MED23: variants seen among roughly 807,000 people sequenced by gnomAD.
The protein encoded by MED23 is mediator complex subunit 23.
Under a neutral mutation model 163.9 loss-of-function variants are expected in MED23, and 105 were observed. That is an observed-to-expected ratio of 0.64 (90% confidence interval 0.55 to 0.75). The LOEUF (loss-of-function observed/expected upper bound fraction) is 0.75. Ranked by LOEUF, MED23 falls within the 30% of genes least tolerant of loss-of-function variation. The probability of loss-of-function intolerance (pLI) is 0.00; values close to 1 mark genes in which losing one functional copy is unlikely to be tolerated. For missense variants in MED23, 1,054 were observed against 1,649.0 expected (o/e 0.64, Z 6.25); for synonymous variants, 561 against 565.6 (o/e 0.99, Z 0.12).
rs187816331 is a variant in MED23, at chr6:131,618,404, T to C, written c.780+3A>G. On this transcript the variant is annotated splice_donor_region_variant and intron_variant, in intron 9 of 28. Coordinates refer to ENST00000368068, the MANE Select transcript of MED23 (RefSeq NM_004830.4). Reference sequence around the variant, plus strand: ...AAAAGTGCCATTATATTTAGCAACATACCTTATCATATGGCAAAAGGCCTT... The same window carrying C: ...AAAAGTGCCATTATATTTAGCAACACACCTTATCATATGGCAAAAGGCCTT... 1.4e-5 allele frequency: 22 copies of C among 1,601,672 alleles called. No homozygotes were observed. The East Asian group carries it at 2.7e-4, about 20-fold the overall frequency.
intron 27 of MED23, among the ~76,000 whole-genome samples, chr6:131,589,891 G>A (rs1774467415): frequency 6.6e-6 from 1 of 152,086 alleles, no homozygotes; most frequent in Non-Finnish European, 1.5e-5. Context: ...ACCATCTCTC[G>A]ATGTCTGGGA....
In MED23 at chr6:131,589,518, C is replaced by T. The variant is rs1227193933; in HGVS notation, c.3886G>A (p.Asp1296Asn). The stretch of plus-strand genomic sequence containing the variant: ...ATATACTTCATGTGATAGAGGAAGT[C>T]ACAGATGGGATCCATGTAATTTAAA... ...THLNYMDPICDFLYHMKYMFT... is the reference protein window; with the variant it reads ...THLNYMDPICNFLYHMKYMFT... The change falls in exon 28 of 29, where the codon GAC (aspartate) becomes AAC (asparagine). Residue 1296 changes from aspartate to asparagine, a missense_variant. This residue lies in a region of MED23 where 362 missense variants were observed against 471.6 expected (regional missense o/e 0.77). Transcript: ENST00000368068. 4.3e-6 allele frequency: 7 copies of T among 1,613,606 alleles called. No individual in the cohort carries two copies. The highest frequency in any genetic ancestry group is 5.9e-6 in the Non-Finnish European group (7 of 1,179,702).
intron 27 of MED23, among the ~76,000 whole-genome samples, chr6:131,589,911 T>C (rs934806895): frequency 6.6e-6 from 1 of 152,180 alleles, no homozygotes; most frequent in Non-Finnish European, 1.5e-5. Context: ...ATAACTCCAC[T>C]CCTAGGGATC....
intron 30 of MED23, chr6:131,574,373 C>A: frequency 6.5e-7 from 1 of 1,535,606 alleles, no homozygotes; most frequent in Non-Finnish European, 9.0e-7. Flanking sequence ...TACTTTGCTT[C>A]CCCTGGAAAT....
At chr6:131,603,976 C>T (rs994262141) in intron 15 of MED23, among the ~76,000 whole-genome samples, 1 of 152,182 alleles carries the variant, frequency 6.6e-6, no homozygotes, top group African/African-American at 2.4e-5. Context: ...CCAACCCTCA[C>T]ACTTCCTATT....
At position 131,623,983 on chromosome 6, in the gene MED23, T is replaced by C. The variant is rs536692167; in HGVS notation, c.285-521A>G. On this transcript the variant is annotated intron_variant, in intron 4 of 28. Coordinates refer to ENST00000368068, the MANE Select transcript of MED23 (RefSeq NM_004830.4). ...TGTGTAGTATTTTACATTTTTTACT[T>C]GTATGAAAGATCAAAAACAAAGTAA... Among the ~76,000 whole-genome samples, 3 of 152,350 alleles carry C rather than the reference T, an allele frequency of 2.0e-5. No homozygotes were observed. In the East Asian group the frequency reaches 5.8e-4, roughly 29 times the overall value.
In MED23 at chr6:131,589,592, C is replaced by G. The variant is rs1774435266; in HGVS notation, c.3812G>C (p.Gly1271Ala). The G allele has an allele frequency of 3.1e-6, 5 of 1,613,770 alleles. No individual in the cohort carries two copies. The highest frequency in any genetic ancestry group is 4.2e-6 in the Non-Finnish European group (5 of 1,179,794). ...CAGCAGCATGTCATAAAACGCCACA[C>G]CAATCTATTTAACAAATAATGTAAA... ...QERTRCMIEI[G>A]VAFYDMLLNV... is the part of the protein sequence containing the mutation. Residue 1271 changes from glycine (G) to alanine (A), a missense_variant, in exon 28 of 29, where the codon GGT becomes GCT. Coordinates refer to ENST00000368068, the MANE Select transcript of MED23 (RefSeq NM_004830.4).
In MED23 at chr6:131,604,235, A is replaced by C; in HGVS notation, c.1699T>G (p.Tyr567Asp). 6.2e-7 allele frequency: 1 copy of C among 1,613,920 alleles called. No individual in the cohort carries two copies. Among genetic ancestry groups the C allele is most frequent in the South Asian group, 1.1e-5 (1 of 91,086 alleles). Residue 567 changes from tyrosine (Y) to aspartate (D), a missense_variant, in exon 15 of 29, where the codon TAC (tyrosine) becomes GAC (aspartate). Around this residue, in one of 11 missense-constraint regions of MED23, gnomAD observed 54 missense variants for 89.8 expected, o/e 0.60. Transcript: ENST00000368068. ...VALAPALVET[Y>D]SRLLVYMEIE... The stretch of plus-strand genomic sequence containing the variant: ...TCCATATAGACCAATAAACGACTGT[A>C]AGTTTCCACTAGGGCTGGAGCCAAG...
In MED23 at chr6:131,610,241, C is replaced by T. The variant is rs773331068; in HGVS notation, c.882G>A (p.Lys294=). 1.2e-6 allele frequency: 2 copies of T among 1,613,770 alleles called. No homozygotes were observed. The highest frequency in any genetic ancestry group is 2.2e-5 in the East Asian group (1 of 44,852). Residue 294 remains lysine, a synonymous_variant, in exon 11 of 29, where the codon AAG becomes AAA. Coordinates refer to ENST00000368068, the MANE Select transcript of MED23 (RefSeq NM_004830.4). ...GGTCCTCCAGCACAGGGCAGCGCTG[C>T]TTGTGCTGTAGGGCAGAGATTAAAT... ...CNMLGLNKQH[K]QRCPVLEDQL... is the part of the protein sequence containing the mutation.
intron 10 of MED23, among the ~76,000 whole-genome samples, chr6:131,611,719 A>G (rs895183705): frequency 2.0e-5 from 3 of 152,088 alleles, no homozygotes; most frequent in Admixed American, 1.3e-4. Context: ...AAAAGAAGTA[A>G]AGCCAGGATT....
intron 3 of MED23, among the ~76,000 whole-genome samples, chr6:131,625,616 A>C (rs1395669723): frequency 6.6e-6 from 1 of 152,206 alleles, no homozygotes; most frequent in African/African-American, 2.4e-5. Context: ...ACATATAACA[A>C]TGATTTGGAA....
intron 30 of MED23, chr6:131,579,059 C>T: frequency 6.3e-7 from 1 of 1,590,180 alleles, no homozygotes; most frequent in Non-Finnish European, 8.6e-7. Flanking sequence ...CCTACACAGA[C>T]TGATTTATAA....
Position 131,605,438 on chromosome 6 carries a change from T to G in MED23, c.1415A>C (p.Tyr472Ser). The change falls in exon 14 of 29, where the codon TAT (tyrosine) becomes TCT (serine). Residue 472 changes from tyrosine to serine, a missense_variant. Around this residue, in one of 11 missense-constraint regions of MED23, gnomAD observed 39 missense variants for 50.5 expected, o/e 0.77. Transcript: ENST00000368068. The part of the protein sequence containing the change: ...LRNKSLQMND[Y>S]KIALLCNAYS... The stretch of plus-strand genomic sequence containing the variant: ...TGCATTACACAATAGAGCAATCTTA[T>G]AGTCATTCATCTGTAAACTTTTATT... 6.2e-7 allele frequency: 1 copy of G among 1,609,734 alleles called. No individual in the cohort carries two copies. The highest frequency in any genetic ancestry group is 8.5e-7 in the Non-Finnish European group (1 of 1,177,148).
rs770794857 is a variant in MED23, at chr6:131,605,282, G to C, written c.1571C>G (p.Pro524Arg). 2 of 1,613,426 alleles carry C rather than the reference G, an allele frequency of 1.2e-6. No individual in the cohort carries two copies. The highest frequency in any genetic ancestry group is 2.2e-5 in the South Asian group (2 of 91,070). ...CMASGSITPL[P>R]MNLLDSLTVH... ...TGTCAGTGAATCCAGGAGGTTCATA[G>C]GTAAGGGGGTAATAGATCCTGAAGC... is the stretch of plus-strand genomic sequence containing the variant. Residue 524 changes from proline to arginine, a missense_variant, in exon 14 of 29, where the codon CCT (proline) becomes CGT (arginine). Physicochemically the swap from Pro to Arg is moderately radical, Grantham distance 103. Around this residue, in one of 11 missense-constraint regions of MED23, gnomAD observed 54 missense variants for 89.8 expected, o/e 0.60. Transcript: ENST00000368068.
Position 131,603,370 on chromosome 6 carries a change from G to A in MED23, c.1757-166C>T, listed in dbSNP as rs1775622822. On this transcript the variant is annotated intron_variant, in intron 15 of 28. Coordinates refer to ENST00000368068, the MANE Select transcript of MED23 (RefSeq NM_004830.4). ...TTCTTATTTTCTACTTTAACAGTAA[G>A]GAAAAATTCAGATCCTAACTATAAT... Among the ~76,000 whole-genome samples, 3 of 152,088 alleles carry A rather than the reference G, an allele frequency of 2.0e-5. No individual in the cohort carries two copies. The South Asian group carries it at 6.2e-4, about 32-fold the overall frequency.
chr6:131,596,035 T>C lies in MED23; in HGVS notation c.2907A>G (p.Ile969Met), dbSNP rs749591327. The change falls in exon 22 of 29, where the codon ATA (isoleucine) becomes ATG (methionine). Residue 969 changes from isoleucine (I) to methionine (M), a missense_variant. By Grantham distance (10) the Ile-to-Met change is conservative. Around this residue, in one of 11 missense-constraint regions of MED23, gnomAD observed 228 missense variants for 461.3 expected, o/e 0.49. Transcript: ENST00000368068. ...VCLRFLPVFDIVIHRFLELLP... is the reference protein window; with the variant it reads ...VCLRFLPVFDMVIHRFLELLP... ...GCAACTCTAAAAATCTGTGGATTACTATATCAAATACTGGAAGGAATCGAA... is the reference window on the plus strand; with the variant it reads ...GCAACTCTAAAAATCTGTGGATTACCATATCAAATACTGGAAGGAATCGAA... 5 of 1,614,022 alleles carry C rather than the reference T, an allele frequency of 3.1e-6. No homozygotes were observed. The highest frequency in any genetic ancestry group is 1.7e-5 in the Admixed American group (1 of 60,012).
At position 131,609,905 on chromosome 6, in the gene MED23, A is replaced by G. The variant is rs546282103; in HGVS notation, c.1077+141T>C. 2.1e-5 allele frequency: 16 copies of G among 761,166 alleles called. No individual in the cohort carries two copies. In the African/African-American group the frequency reaches 2.5e-4, roughly 12 times the overall value. The allele number at this position is 761,166 out of a possible 1,614,324, so 47.2% of individuals were successfully genotyped here. A position where few individuals can be genotyped will look rare whatever the true frequency, so the allele number is the denominator to read the frequency against. ...AGTGACAAGAAAGTAAAAAGTTAAG[A>G]AACTATAAAAGCACTAAACAGGACA... is the stretch of plus-strand genomic sequence containing the variant. On this transcript the variant is annotated intron_variant, in intron 11 of 28. Transcript: ENST00000368068.
intron 10 of MED23, among the ~76,000 whole-genome samples, chr6:131,614,393 T>C (rs1292236669): frequency 6.6e-6 from 1 of 152,178 alleles, no homozygotes; most frequent in East Asian, 1.9e-4. Flanking sequence ...TTGCAAACAG[T>C]AACGCTATTT....
At chr6:131,580,510 A>G (rs1341895142) in intron 30 of MED23, among the ~76,000 whole-genome samples, 1 of 152,204 alleles carries the variant, frequency 6.6e-6, no homozygotes, top group Non-Finnish European at 1.5e-5. Context: ...GCAGTTTTTA[A>G]ATGGCAAAAC....
Sources: gnomAD v4.1 joint callset for allele counts (sites outside exome capture counted in the v4.1 genomes callset) on GRCh38, gnomAD v4.1.1 for gene constraint, gnomAD v4.1.1 regional missense constraint, MANE v1.5 for transcripts, NCBI Gene and HGNC (gene_info 2026-07-23, HGNC 2026-07-21) for gene names.